The following TGDS variants were observed in gnomAD, a reference collection of about 807,000 sequenced individuals.
TGDS encodes the protein UDP-D-glucose 4,6-dehydratase.
In TGDS, 47 loss-of-function variants were observed where a neutral mutation model predicts 52.3. The ratio of observed to expected loss-of-function variants is 0.90; its 90% confidence interval spans 0.71 to 1.15. TGDS has a LOEUF of 1.15. Among genes scored for constraint, TGDS ranks in the 50% most tolerant of loss-of-function variants. TGDS has a pLI of 0.00. For synonymous variants in TGDS, 115 were observed against 136.9 expected (o/e 0.84, Z 1.12); for missense variants, 375 against 418.4 (o/e 0.90, Z 0.90).
chr13:94,581,060 T>G, intron 6 of TGDS, 31 bp downstream of exon 6: 1 of 1,268,948 alleles, frequency 7.9e-7, no homozygotes, highest in Non-Finnish European at 1.1e-6. Flanking sequence ...CAAAGGAAAA[T>G]GTTTCAAGAG....
intron 11 of TGDS, 35 bp from the exon 12 acceptor site, chr13:94,574,887 GAA>G: frequency 1.4e-6 from 1 of 733,586 alleles, no homozygotes; most frequent in Non-Finnish European, 1.9e-6. Context: ...AAAAAAAAAA[GAA>G]AAGAAAGAAA....
At chr13:94,575,169 A>C (rs1477097884) in intron 11 of TGDS, among the ~76,000 whole-genome samples, 1 of 152,112 alleles carries the variant, frequency 6.6e-6, no homozygotes, top group Non-Finnish European at 1.5e-5. Context: ...GTGGGAAATA[A>C]GTCATCTGCC....
chr13:94,586,686 A>G (rs1324742005), intron 4 of TGDS, among the ~76,000 whole-genome samples: 1 of 151,684 alleles, frequency 6.6e-6, no homozygotes, highest in Admixed American at 6.6e-5. Flanking sequence ...AAGAAAACCC[A>G]TACATGTTTG....
At chr13:94,591,248 T>A (rs1281294646) in intron 3 of TGDS, among the ~76,000 whole-genome samples, 1 of 152,168 alleles carries the variant, frequency 6.6e-6, no homozygotes, top group Non-Finnish European at 1.5e-5. Context: ...AATACAAAAC[T>A]TTTTTTAGCA....
chr13:94,575,606 T>C (rs977509540), intron 11 of TGDS, among the ~76,000 whole-genome samples: 4 of 152,158 alleles, frequency 2.6e-5, no homozygotes, highest in African/African-American at 9.7e-5. Flanking sequence ...TCTATTAATA[T>C]GTGAAATTAT....
In TGDS at chr13:94,581,111, A is replaced by T. The variant is rs771269493; in HGVS notation, c.535T>A (p.Ser179Thr). The change falls in exon 6 of 12, where the codon TCT becomes ACT. Residue 179 changes from serine to threonine, a missense_variant. Coordinates refer to ENST00000261296, the MANE Select transcript of TGDS (RefSeq NM_014305.4). Reference protein sequence around the residue: ...SKAAAECFVQSYWEQYKFPVV... With the variant: ...SKAAAECFVQTYWEQYKFPVV... ...CTTACCTTATATTGTTCCCAGTAAGACTGTACAAAACATTCAGCAGCTGCT... is the reference window on the plus strand; with the variant it reads ...CTTACCTTATATTGTTCCCAGTAAGTCTGTACAAAACATTCAGCAGCTGCT... The T allele has an allele frequency of 3.8e-6, 6 of 1,586,710 alleles. No individual in the cohort carries two copies. The highest frequency in any genetic ancestry group is 5.1e-6 in the Non-Finnish European group (6 of 1,165,080).
intron 4 of TGDS, among the ~76,000 whole-genome samples, chr13:94,590,527 T>C (rs2139540840): frequency 6.6e-6 from 1 of 152,238 alleles, no homozygotes; most frequent in Middle Eastern, 3.4e-3. Flanking sequence ...ATGATATAAA[T>C]AATGTCCATC....
At chr13:94,577,901 C>T in intron 9 of TGDS, 104 bp downstream of exon 9, 1 of 1,152,694 alleles carries the variant, frequency 8.7e-7, no homozygotes, top group Non-Finnish European at 1.2e-6. Context: ...TCATTTTCTA[C>T]TTGCTTACTT....
chr13:94,581,218 G>A, intron 5 of TGDS, 29 bp from the exon 6 acceptor site: 1 of 1,378,812 alleles, frequency 7.3e-7, no homozygotes. Flanking sequence ...ATTTAAAAAA[G>A]TGTTATGCAT....
At chr13:94,590,600 C>T (rs1889161356) in intron 4 of TGDS, among the ~76,000 whole-genome samples, 1 of 152,068 alleles carries the variant, frequency 6.6e-6, no homozygotes, top group South Asian at 2.1e-4. Flanking sequence ...GCCCATCTCC[C>T]CGTTGCTCCC....
chr13:94,582,614 G>A (rs1304731333), intron 5 of TGDS, among the ~76,000 whole-genome samples: 1 of 152,206 alleles, frequency 6.6e-6, no homozygotes, highest in Non-Finnish European at 1.5e-5. Context: ...GTCTGTGAGG[G>A]TGTTGTCAAG....
rs1433960634 is a variant in TGDS at position 94,583,256 on chromosome 13, A to G, written c.314-20T>C. The G allele has an allele frequency of 1.2e-6, 2 of 1,608,688 alleles. No individual in the cohort carries two copies. Among genetic ancestry groups the G allele is most frequent in the Non-Finnish European group, 1.7e-6 (2 of 1,178,114 alleles). ...AAAGATCTAAAAGAAAAGAGTGAAAAGCTAAAACAAGTCTACCCAACGGAT... is the reference window on the plus strand; with the variant it reads ...AAAGATCTAAAAGAAAAGAGTGAAAGGCTAAAACAAGTCTACCCAACGGAT... On this transcript the variant is annotated intron_variant, in intron 4 of 11. Coordinates refer to ENST00000261296, the MANE Select transcript of TGDS (RefSeq NM_014305.4).
chr13:94,593,436 T>C (rs1018952760), intron 2 of TGDS, among the ~76,000 whole-genome samples: 15 of 152,148 alleles, frequency 9.9e-5, no homozygotes, highest in African/African-American at 3.6e-4. Context: ...ATTGTATACA[T>C]GTATCAAAAC....
rs1438743391 is a variant in TGDS at position 94,576,384 on chromosome 13, C to A, written c.912G>T (p.Met304Ile). ...DRPTNDMRYPMKSEKIHGLGW... is the reference protein window; with the variant it reads ...DRPTNDMRYPIKSEKIHGLGW... ...CTAAGCCATGTATTTTTTCTGACTT[C>A]ATTGGGTATCTCATGTCATTGGTGG... The change falls in exon 11 of 12, where the codon ATG (methionine) becomes ATT (isoleucine). Residue 304 changes from methionine to isoleucine, a missense_variant. Met to Ile is a conservative substitution (Grantham distance 10, BLOSUM62 1). Transcript: ENST00000261296. The A allele has an allele frequency of 6.2e-7, 1 of 1,600,478 alleles. No individual in the cohort carries two copies. The highest frequency in any genetic ancestry group is 8.5e-7 in the Non-Finnish European group (1 of 1,173,186).
At chr13:94,593,590 G>A (rs1889278558) in intron 2 of TGDS, among the ~76,000 whole-genome samples, 1 of 151,990 alleles carries the variant, frequency 6.6e-6, no homozygotes, top group Non-Finnish European at 1.5e-5. Context: ...AAGTCCATTT[G>A]CAAAGTAGCA....
rs927184680 is a variant in TGDS at position 94,574,205 on chromosome 13, A to G, written c.*577T>C. ...TGATAAATTTCTGATACAAGGTTTT[A>G]CATACGTTAATTGTGAAAATATAAA... On this transcript the variant is annotated 3_prime_UTR_variant, in exon 12 of 12. Transcript: ENST00000261296. 6.6e-6 allele frequency: 1 copy of G among 152,208 alleles called. No individual in the cohort carries two copies. Among genetic ancestry groups the G allele is most frequent in the Admixed American group, 6.5e-5 (1 of 15,284 alleles). 9.4% of individuals were successfully genotyped at this position (152,208 alleles called of 1,614,324 possible). A position where few individuals can be genotyped will look rare whatever the true frequency, so the allele number is the denominator to read the frequency against.
chr13:94,596,211 T>G (rs908605876), upstream of TGDS: 16 of 1,490,822 alleles, frequency 1.1e-5, no homozygotes, highest in Admixed American at 8.0e-5. Context: ...CGCGACCTTT[T>G]GCGACGCGCC....
intron 4 of TGDS, among the ~76,000 whole-genome samples, chr13:94,585,279 C>A (rs1243559542): frequency 6.6e-6 from 1 of 151,940 alleles, no homozygotes; most frequent in Admixed American, 6.6e-5. Context: ...AACGCCTGAC[C>A]TCAGGTGATC....
At chr13:94,593,814 C>G in intron 2 of TGDS, 27 bp downstream of exon 2, 1 of 1,383,078 alleles carries the variant, frequency 7.2e-7, no homozygotes, top group East Asian at 2.3e-5. Flanking sequence ...AATTTCAGTG[C>G]ATGATGCTCA....
Sources: gnomAD v4.1 joint callset for allele counts (sites outside exome capture counted in the v4.1 genomes callset) on GRCh38, gnomAD v4.1.1 for gene constraint, MANE v1.5 for transcripts, NCBI Gene and HGNC (gene_info 2026-07-23, HGNC 2026-07-21) for gene names.